The following ECPAS variants were observed in gnomAD, a reference collection of about 807,000 sequenced individuals.
ECPAS encodes proteasome adapter and scaffold protein ECM29.
A neutral mutation model predicts 255.1 loss-of-function variants in ECPAS; 70 were observed. The ratio of observed to expected loss-of-function variants is 0.27; its 90% confidence interval spans 0.23 to 0.33. The LOEUF is 0.33. ECPAS is among the 10% of genes least tolerant of loss of function. The pLI is 1.00. For synonymous variants in ECPAS, 784 were observed against 775.0 expected (o/e 1.01, Z -0.19); for missense variants, 1,817 against 2,206.4 (o/e 0.82, Z 3.54).
Position 111,472,925 on chromosome 9 carries a change from TC to T in ECPAS, c.-8del. 8.0e-7 allele frequency: 1 copy of T among 1,248,772 alleles called. No individual in the cohort carries two copies. The highest frequency in any genetic ancestry group is 1.6e-5 in the African/African-American group (1 of 63,284). 77.4% of individuals were successfully genotyped at this position (1,248,772 alleles called of 1,614,324 possible). On this transcript the variant is annotated 5_prime_UTR_variant, in exon 2 of 50. The change abolishes the stop of an existing upstream ORF in the 5' untranslated region. Coordinates refer to ENST00000684092, the MANE Select transcript of ECPAS (RefSeq NM_001364929.1). ...TACAATCAATGTGATACATGGTTTATCCAATCTTGACAAAAATCCTCGGGAT... is the reference window on the plus strand; with the variant it reads ...TACAATCAATGTGATACATGGTTTATCAATCTTGACAAAAATCCTCGGGAT...
intron 2 of ECPAS, among the ~76,000 whole-genome samples, chr9:111,453,759 C>T (rs2098263377): frequency 6.6e-6 from 1 of 152,034 alleles, no homozygotes; most frequent in Non-Finnish European, 1.5e-5. Flanking sequence ...ATCATGAGTA[C>T]AACAACAGAA....
At chr9:111,439,226 C>A (rs866408554) in intron 6 of ECPAS, among the ~76,000 whole-genome samples, 1 of 152,070 alleles carries the variant, frequency 6.6e-6, no homozygotes, top group African/African-American at 2.4e-5. Context: ...CAGAGACAAA[C>A]GGAGTTGACC....
At chr9:111,432,195 T>G (rs2098231014) in intron 8 of ECPAS, among the ~76,000 whole-genome samples, 1 of 152,252 alleles carries the variant, frequency 6.6e-6, no homozygotes, top group African/African-American at 2.4e-5. Flanking sequence ...TTGAATAATT[T>G]CCTTAGGATA....
intron 3 of ECPAS, among the ~76,000 whole-genome samples, chr9:111,444,992 CTTTTTTT>C (rs373389870): frequency 8.5e-5 from 9 of 105,588 alleles, no homozygotes; most frequent in Non-Finnish European, 1.1e-4. Flanking sequence ...CTGCTCCTGG[CTTTTTTT>C]TTTTTTTTTT....
intron 1 of ECPAS, among the ~76,000 whole-genome samples, chr9:111,478,387 C>T (rs1046647485): frequency 9.9e-5 from 15 of 151,792 alleles, no homozygotes; most frequent in Non-Finnish European, 2.1e-4. Flanking sequence ...ATAAGTCAGG[C>T]GCAGTGTCGC....
intron 1 of ECPAS, chr9:111,483,755 CCCGCAGCCTCGCGCCTCT>C (rs1485701590): frequency 6.0e-6 from 1 of 165,658 alleles, no homozygotes. Flanking sequence ...CTCGGGCGCT[CCCGCAGCCTCGCGCCTCT>C]GCGGAGCCGC....
Position 111,385,435 on chromosome 9 carries a change from C to T in ECPAS, c.3535G>A (p.Ala1179Thr). 6.5e-7 allele frequency: 1 copy of T among 1,543,098 alleles called. No homozygotes were observed. Among genetic ancestry groups the T allele is most frequent in the Non-Finnish European group, 8.8e-7 (1 of 1,137,882 alleles). ...CTTCCTCTCAATAAATCATTCAAAG[C>T]TAAACAGCTGAAAATCAAAATTTCA... Reference protein sequence around the residue: ...MWRVRESSCLALNDLLRGRPL... With the variant: ...MWRVRESSCLTLNDLLRGRPL... Residue 1179 changes from alanine (A) to threonine (T), a missense_variant, in exon 33 of 50, where the codon GCT becomes ACT. Around this residue, in one of 4 missense-constraint regions of ECPAS, gnomAD observed 960 missense variants for 1,179.0 expected, o/e 0.81. Coordinates refer to ENST00000684092, the MANE Select transcript of ECPAS (RefSeq NM_001364929.1).
At chr9:111,441,665 GACA>G (rs1360889476) in intron 5 of ECPAS, among the ~76,000 whole-genome samples, 1 of 152,086 alleles carries the variant, frequency 6.6e-6, no homozygotes. Flanking sequence ...TAAAACATCT[GACA>G]ACAATTACAA....
At chr9:111,364,703 G>GT (rs1271968123) in intron 48 of ECPAS, among the ~76,000 whole-genome samples, 1 of 152,168 alleles carries the variant, frequency 6.6e-6, no homozygotes, top group African/African-American at 2.4e-5. Flanking sequence ...AGAAAACATA[G>GT]TAACTATCCA....
chr9:111,422,225 T>A (rs761980140), intron 13 of ECPAS, 25 bp from the exon 14 acceptor site: 3 of 1,598,092 alleles, frequency 1.9e-6, no homozygotes, highest in Non-Finnish European at 2.6e-6. Context: ...AAAAATATTG[T>A]TACTATCATA....
At chr9:111,444,068 T>C (rs889925623) in intron 4 of ECPAS, among the ~76,000 whole-genome samples, 1 of 152,152 alleles carries the variant, frequency 6.6e-6, no homozygotes, top group Non-Finnish European at 1.5e-5. Flanking sequence ...TTCAGACCCA[T>C]TTCATACAGT....
chr9:111,438,512 G>A (rs2098241335), intron 6 of ECPAS, among the ~76,000 whole-genome samples: 1 of 152,180 alleles, frequency 6.6e-6, no homozygotes, highest in Non-Finnish European at 1.5e-5. Context: ...GAAGGCTGAG[G>A]TGAGAGGACT....
intron 23 of ECPAS, among the ~76,000 whole-genome samples, chr9:111,409,277 G>C (rs2098190143): frequency 6.6e-6 from 1 of 152,172 alleles, no homozygotes; most frequent in Non-Finnish European, 1.5e-5. Flanking sequence ...ATAGGAATTA[G>C]GCCAGGCTCG....
At chr9:111,394,327 T>C (rs894615743) in intron 25 of ECPAS, 22 bp from the exon 26 acceptor site, 1 of 1,496,456 alleles carries the variant, frequency 6.7e-7, no homozygotes, top group Non-Finnish European at 8.9e-7. Context: ...CAAAGAAAAA[T>C]AACAAAGAAT....
At chr9:111,392,923 A>T in intron 27 of ECPAS, 41 bp from the exon 28 acceptor site, 1 of 1,453,192 alleles carries the variant, frequency 6.9e-7, no homozygotes, top group Non-Finnish European at 9.5e-7. Flanking sequence ...TTTAAAAAAA[A>T]TTTTGTCTAC....
intron 1 of ECPAS, among the ~76,000 whole-genome samples, chr9:111,480,918 G>A (rs1023988413): frequency 2.6e-5 from 4 of 152,218 alleles, no homozygotes; most frequent in Admixed American, 1.3e-4. Context: ...CTGAATGTAT[G>A]GAAGCACACT....
chr9:111,372,531 G>A lies in ECPAS; in HGVS notation c.4426C>T (p.Leu1476=), dbSNP rs1050694128. 3 of 1,613,692 alleles carry A rather than the reference G, an allele frequency of 1.9e-6. No individual in the cohort carries two copies. The African/African-American group carries it at 4.0e-5, about 22-fold the overall frequency. ...DVLKNHAKEV[L]PLAFLGMHEI... Reference sequence around the variant, plus strand: ...TGCATGCCTAAAAATGCCAGAGGCAGGACTTCTTTTGCATGATTCTTTAAT... The same window carrying A: ...TGCATGCCTAAAAATGCCAGAGGCAAGACTTCTTTTGCATGATTCTTTAAT... The change falls in exon 42 of 50, where the codon CTG becomes TTG. Residue 1476 remains leucine (L), a synonymous_variant. Transcript: ENST00000684092.
intron 24 of ECPAS, among the ~76,000 whole-genome samples, chr9:111,398,622 G>A (rs903329086): frequency 6.6e-6 from 1 of 152,026 alleles, no homozygotes; most frequent in South Asian, 2.1e-4. Context: ...ATGGTTAACA[G>A]GTACAAAAAA....
At chr9:111,428,237 T>C in intron 9 of ECPAS, 76 bp from the exon 10 acceptor site, 2 of 1,390,106 alleles carry the variant, frequency 1.4e-6, no homozygotes, top group Non-Finnish European at 2.0e-6. Context: ...GAATTCATCT[T>C]AATCAGTGGT....
Sources: allele counts gnomAD v4.1 joint callset (sites outside exome capture counted in the v4.1 genomes callset), GRCh38; gene constraint gnomAD v4.1.1; regional missense constraint gnomAD v4.1.1; transcripts MANE v1.5; gene names NCBI Gene and HGNC (gene_info 2026-07-23, HGNC 2026-07-21).